The following DAB1 variants were observed in gnomAD, a reference collection of about 807,000 sequenced individuals.
The protein encoded by DAB1 is disabled homolog 1.
DAB1 carries 15 observed loss-of-function variants against 64.6 expected under a neutral mutation model. The ratio of observed to expected loss-of-function variants is 0.23; its 90% CI spans 0.16 to 0.36. The LOEUF (loss-of-function observed/expected upper bound fraction) is 0.36. DAB1 is among the 10% of genes least tolerant of loss of function. The probability of loss-of-function intolerance (pLI) is 1.00; values close to 1 mark genes in which losing one functional copy is unlikely to be tolerated. For synonymous variants in DAB1, 235 were observed against 251.9 expected (o/e 0.93, Z 0.64); for missense variants, 596 against 706.7 (o/e 0.84, Z 1.78).
At chr1:57,944,182 C>A (rs1260764938) in intron 5 of DAB1, among the ~76,000 whole-genome samples, 1 of 152,172 alleles carries the variant, frequency 6.6e-6, no homozygotes, top group Non-Finnish European at 1.5e-5. Context: ...ACATACTCAA[C>A]ACGCTGGCTT....
At chr1:57,131,028 G>A (rs1657611361) in intron 4 of DAB1, among the ~76,000 whole-genome samples, 2 of 152,144 alleles carry the variant, frequency 1.3e-5, no homozygotes, top group South Asian at 2.1e-4. Flanking sequence ...TTATTTAGCA[G>A]CCTTGGCTTT....
chr1:57,983,228 C>A (rs116801423), intron 5 of DAB1, among the ~76,000 whole-genome samples: 1 of 152,182 alleles, frequency 6.6e-6, no homozygotes, highest in African/African-American at 2.4e-5. Context: ...GTCAAAGCAG[C>A]CTTGGCCTTC....
chr1:57,429,186 G>C (rs957795627), intron 7 of DAB1, among the ~76,000 whole-genome samples: 1 of 152,180 alleles, frequency 6.6e-6, no homozygotes, highest in Non-Finnish European at 1.5e-5. Context: ...AGTGCTAGGA[G>C]TGTGAGGTGA....
At chr1:57,803,013 T>C (rs1330127162) in intron 6 of DAB1, among the ~76,000 whole-genome samples, 2 of 152,116 alleles carry the variant, frequency 1.3e-5, no homozygotes, top group Admixed American at 6.5e-5. Context: ...GGTGTGTCTC[T>C]GAAGCTGGGG....
chr1:57,379,577 A>G (rs1011418571), intron 1 of DAB1, among the ~76,000 whole-genome samples: 1 of 152,196 alleles, frequency 6.6e-6, no homozygotes, highest in African/African-American at 2.4e-5. Flanking sequence ...TGATCATTGC[A>G]GGTTAACAAC....
chr1:58,497,550 C>A (rs1050019258), intron 3 of DAB1, among the ~76,000 whole-genome samples: 1 of 152,088 alleles, frequency 6.6e-6, no homozygotes, highest in Non-Finnish European at 1.5e-5. Flanking sequence ...GCCTCTTTAG[C>A]ATAAGAGTTA....
chr1:57,489,173 G>C (rs577672765), intron 7 of DAB1, among the ~76,000 whole-genome samples: 1 of 152,124 alleles, frequency 6.6e-6, no homozygotes, highest in Non-Finnish European at 1.5e-5. Flanking sequence ...TATTTCTAGG[G>C]CATTATTGGG....
intron 2 of DAB1, among the ~76,000 whole-genome samples, chr1:57,147,976 C>A (rs1659310291): frequency 6.6e-6 from 1 of 152,144 alleles, no homozygotes; most frequent in South Asian, 2.1e-4. Context: ...GTTCGCCTAA[C>A]CACCATGATC....
intron 7 of DAB1, among the ~76,000 whole-genome samples, chr1:57,609,118 T>C (rs1272610832): frequency 6.6e-6 from 1 of 152,126 alleles, no homozygotes; most frequent in Non-Finnish European, 1.5e-5. Flanking sequence ...ATGGCCCCAA[T>C]AGGCATTTGC....
At chr1:57,103,151 G>C (rs528778081) in intron 4 of DAB1, among the ~76,000 whole-genome samples, 1 of 152,256 alleles carries the variant, frequency 6.6e-6, no homozygotes, top group Admixed American at 6.5e-5. Context: ...TAGTAAATGA[G>C]ATGCAATGCT....
chr1:57,299,892 C>T (rs1673492012), intron 1 of DAB1, among the ~76,000 whole-genome samples: 1 of 152,196 alleles, frequency 6.6e-6, no homozygotes, highest in Non-Finnish European at 1.5e-5. Flanking sequence ...TCTCGCTGGG[C>T]TTACAGGAGA....
At chr1:57,285,275 T>C (rs1248723638) in intron 2 of DAB1, among the ~76,000 whole-genome samples, 1 of 152,000 alleles carries the variant, frequency 6.6e-6, no homozygotes, top group Admixed American at 6.6e-5. Flanking sequence ...TTCTTTCTTT[T>C]TTTCTTTTTG....
chr1:57,924,756 C>T (rs1424144328), intron 5 of DAB1, among the ~76,000 whole-genome samples: 1 of 151,566 alleles, frequency 6.6e-6, no homozygotes, highest in East Asian at 1.9e-4. Flanking sequence ...GGTGGAGCCA[C>T]TGCACCCATC....
chr1:57,841,465 C>T (rs1653044258), intron 1 of DAB1, among the ~76,000 whole-genome samples: 1 of 152,194 alleles, frequency 6.6e-6, no homozygotes, highest in South Asian at 2.1e-4. Flanking sequence ...TCTGCATTAC[C>T]CTAGTAGAAG....
At chr1:57,985,039 C>G (rs752752812) in intron 5 of DAB1, among the ~76,000 whole-genome samples, 1 of 152,082 alleles carries the variant, frequency 6.6e-6, no homozygotes, top group South Asian at 2.1e-4. Context: ...TCTCAAGTAG[C>G]TGGGATTACA....
At chr1:57,812,059 A>G (rs2101885621) in intron 6 of DAB1, among the ~76,000 whole-genome samples, 1 of 152,262 alleles carries the variant, frequency 6.6e-6, no homozygotes, top group South Asian at 2.1e-4. Flanking sequence ...TCCTTTTTAA[A>G]TTTAGGAAAT....
intron 3 of DAB1, among the ~76,000 whole-genome samples, chr1:58,357,398 T>G (rs1197718115): frequency 6.6e-6 from 1 of 152,092 alleles, no homozygotes; most frequent in African/African-American, 2.4e-5. Flanking sequence ...GTGGTGCCGT[T>G]TCTGCACAAC....
chr1:58,454,045 G>C (rs1287390555), intron 3 of DAB1, among the ~76,000 whole-genome samples: 2 of 152,052 alleles, frequency 1.3e-5, no homozygotes, highest in African/African-American at 4.8e-5. Flanking sequence ...GTCTCTTTAA[G>C]TTTTCGATAC....
chr1:57,174,386 A>C, intron 2 of DAB1, among the ~76,000 whole-genome samples: 1 of 152,204 alleles, frequency 6.6e-6, no homozygotes, highest in Admixed American at 6.5e-5. Context: ...CCAGGTGCTA[A>C]GCAATATAGA....
Sources: allele counts gnomAD v4.1 joint callset (sites outside exome capture counted in the v4.1 genomes callset), GRCh38; gene constraint gnomAD v4.1.1; transcripts MANE v1.5; gene names NCBI Gene and HGNC (gene_info 2026-07-23, HGNC 2026-07-21).